The following COL24A1 variants were observed in gnomAD, a reference collection of about 807,000 sequenced individuals.
COL24A1 encodes collagen type XXIV alpha 1 chain, also known as collagen alpha-1(XXIV) chain.
In COL24A1, 224 loss-of-function variants were observed where a neutral mutation model predicts 253.9. The ratio of observed to expected loss-of-function variants is 0.88; its 90% confidence interval spans 0.79 to 0.99. The LOEUF is 0.99. Among genes scored for constraint, COL24A1 ranks in the 50% least tolerant of loss-of-function variants. The probability of loss-of-function intolerance (pLI) is 0.00; values close to 1 mark genes in which losing one functional copy is unlikely to be tolerated. For missense variants in COL24A1, 2,131 were observed against 2,068.5 expected, an observed-to-expected ratio of 1.03 and a Z score of -0.59; for synonymous variants, 685 against 673.7, an observed-to-expected ratio of 1.02 and a Z score of -0.26.
At chr1:85,937,060 G>C (rs1258662038) in intron 24 of COL24A1, among the ~76,000 whole-genome samples, 1 of 147,526 alleles carries the variant, frequency 6.8e-6, no homozygotes, top group Non-Finnish European at 1.5e-5. Context: ...CATATTCCCA[G>C]CCAGTACCTC....
chr1:85,822,339 C>G (rs1397843189), intron 45 of COL24A1, among the ~76,000 whole-genome samples: 1 of 152,112 alleles, frequency 6.6e-6, no homozygotes, highest in Non-Finnish European at 1.5e-5. Context: ...CAAATCATTA[C>G]TTTTTATTCA....
In COL24A1 at chr1:86,156,577, G is replaced by T; in HGVS notation, c.-181C>A. ...TGAAGTCGGGAGGAGGTAGGAAATA[G>T]CACCCGAAGGGGAGGACAGGCTTCC... On this transcript the variant is annotated 5_prime_UTR_variant, in exon 1 of 60. Transcript: ENST00000370571. The T allele has an allele frequency of 2.2e-6, 1 of 462,516 alleles. No individual in the cohort carries two copies. Among genetic ancestry groups the T allele is most frequent in the Non-Finnish European group, 3.7e-6 (1 of 266,750 alleles). 28.7% of individuals were successfully genotyped at this position (462,516 alleles called of 1,614,324 possible).
chr1:86,111,560 A>T (rs1705607689), intron 5 of COL24A1, among the ~76,000 whole-genome samples: 1 of 152,234 alleles, frequency 6.6e-6, no homozygotes. Context: ...TGGACCGATC[A>T]GCAGGATGTG....
chr1:86,020,061 CTTTTTTTT>C (rs10582249), intron 18 of COL24A1, among the ~76,000 whole-genome samples: 2 of 102,594 alleles, frequency 1.9e-5, no homozygotes, highest in Non-Finnish European at 3.9e-5. Flanking sequence ...TTCATTCTTT[CTTTTTTTT>C]TTTTTTTTTT....
intron 20 of COL24A1, among the ~76,000 whole-genome samples, chr1:85,974,330 A>C (rs969351097): frequency 6.6e-6 from 1 of 152,182 alleles, no homozygotes; most frequent in Non-Finnish European, 1.5e-5. Flanking sequence ...GAAAGGCCAT[A>C]TGTGTTTATC....
At chr1:86,124,339 C>T (rs1485081306) in intron 3 of COL24A1, among the ~76,000 whole-genome samples, 1 of 151,578 alleles carries the variant, frequency 6.6e-6, no homozygotes, top group African/African-American at 2.4e-5. Flanking sequence ...GTCAACGATT[C>T]ATTACACAAT....
At chr1:85,793,649 A>G (rs1008039851) in intron 47 of COL24A1, among the ~76,000 whole-genome samples, 15 of 152,040 alleles carry the variant, frequency 9.9e-5, no homozygotes, top group Non-Finnish European at 2.1e-4. Context: ...TTAATTTTCC[A>G]TGAGCCTTTC....
chr1:86,087,463 T>C (rs1703146515), intron 7 of COL24A1, among the ~76,000 whole-genome samples: 1 of 152,154 alleles, frequency 6.6e-6, no homozygotes. Flanking sequence ...CTATGAATAA[T>C]ATTTACTCCC....
chr1:85,793,653 G>A (rs74097093), intron 47 of COL24A1, among the ~76,000 whole-genome samples: 1,589 of 152,110 alleles, frequency 0.01, 27 homozygotes, highest in African/African-American at 0.037. Context: ...TTTTCCATGA[G>A]CCTTTCTGTT....
chr1:85,892,030 G>A (rs936746064), intron 31 of COL24A1, among the ~76,000 whole-genome samples: 1 of 152,044 alleles, frequency 6.6e-6, no homozygotes, highest in African/African-American at 2.4e-5. Flanking sequence ...TAGAGCCTGT[G>A]CCAGGAACAT....
chr1:85,933,473 T>A (rs1050986627), intron 24 of COL24A1, among the ~76,000 whole-genome samples: 10 of 152,164 alleles, frequency 6.6e-5, no homozygotes, highest in African/African-American at 1.2e-4. Context: ...TCCCAAAGAC[T>A]ATTTCCTAGC....
Position 85,992,078 on chromosome 1 carries a change from C to G in COL24A1, c.2311-4424G>C, listed in dbSNP as rs377250624. Among the ~76,000 whole-genome samples the G allele has an allele frequency of 1.1e-4, 16 of 152,028 alleles. No individual in the cohort carries two copies. The East Asian group carries it at 1.5e-3, about 15-fold the overall frequency. ...CTAATGCTATCCCTCTCCACTCCCC[C>G]CACCCCACAACAGGCCCCAGTGTGT... On this transcript the variant is annotated intron_variant, in intron 19 of 59. Transcript: ENST00000370571.
chr1:85,758,583 T>G (rs1474322147), intron 55 of COL24A1, among the ~76,000 whole-genome samples: 2 of 152,174 alleles, frequency 1.3e-5, no homozygotes, highest in Non-Finnish European at 2.9e-5. Flanking sequence ...TTCCTTTTCC[T>G]GAAACATTTC....
At chr1:86,149,571 C>G (rs1325638063) in intron 1 of COL24A1, among the ~76,000 whole-genome samples, 2 of 152,168 alleles carry the variant, frequency 1.3e-5, no homozygotes, top group East Asian at 3.9e-4. Context: ...CTCACCTGCC[C>G]AAGGTAATCA....
intron 20 of COL24A1, among the ~76,000 whole-genome samples, chr1:85,980,964 A>T (rs1231587292): frequency 6.6e-6 from 1 of 152,194 alleles, no homozygotes; most frequent in Non-Finnish European, 1.5e-5. Flanking sequence ...GACCTCTACA[A>T]GAAAAACTAC....
intron 47 of COL24A1, among the ~76,000 whole-genome samples, chr1:85,815,102 T>A (rs140314403): frequency 9.2e-4 from 140 of 152,304 alleles, no homozygotes; most frequent in Middle Eastern, 6.8e-3. Context: ...GCAACAAATA[T>A]GACGTATTTT....
intron 1 of COL24A1, among the ~76,000 whole-genome samples, chr1:86,147,367 A>C (rs1429668658): frequency 1.3e-5 from 2 of 152,246 alleles, no homozygotes; most frequent in African/African-American, 4.8e-5. Flanking sequence ...TTTAAAATTG[A>C]ACATTCTATG....
chr1:86,072,492 C>T (rs557036178), intron 7 of COL24A1, among the ~76,000 whole-genome samples: 2 of 152,298 alleles, frequency 1.3e-5, no homozygotes, highest in South Asian at 4.1e-4. Context: ...CAGCCCCAGT[C>T]AGGGACTTAT....
In COL24A1 at chr1:85,841,208, A is replaced by G. The variant is rs766463254; in HGVS notation, c.3627+14T>C. 1.2e-5 allele frequency: 19 copies of G among 1,581,438 alleles called. No individual in the cohort carries two copies. In the East Asian group the frequency reaches 4.3e-4, roughly 36 times the overall value. On this transcript the variant is annotated intron_variant, in intron 42 of 59. Coordinates refer to ENST00000370571, the MANE Select transcript of COL24A1 (RefSeq NM_152890.7). ...TATCTTGAATAACCAGAATTATTTC[A>G]GAAAAAGACCTACTGGTTCACCTCG...
Sources: gnomAD v4.1 joint callset for allele counts (sites outside exome capture counted in the v4.1 genomes callset) on GRCh38, gnomAD v4.1.1 for gene constraint, MANE v1.5 for transcripts, NCBI Gene and HGNC (gene_info 2026-07-23, HGNC 2026-07-21) for gene names.